Variants in ARMC3 observed in about 807,000 individuals in gnomAD.
ARMC3 encodes the protein armadillo repeat containing 3.
In ARMC3, 74 loss-of-function variants were observed where a neutral mutation model predicts 90.3. The observed-to-expected ratio is 0.82, with a 90% CI of 0.68 to 0.99. ARMC3 has a LOEUF of 0.99. Among genes scored for constraint, ARMC3 ranks in the 50% least tolerant of loss-of-function variants. The probability of loss-of-function intolerance (pLI) is 0.00; values close to 1 mark genes in which losing one functional copy is unlikely to be tolerated. For missense variants in ARMC3, 958 were observed against 1,042.8 expected (o/e 0.92, Z 1.12); for synonymous variants, 334 against 361.8 (o/e 0.92, Z 0.87).
chr10:22,937,076 T>C (rs934743996), intron 2 of ARMC3, among the ~76,000 whole-genome samples: 5 of 152,002 alleles, frequency 3.3e-5, no homozygotes, highest in African/African-American at 1.2e-4. Context: ...CTAATTTTTG[T>C]ATGTTTTGTG....
rs372573334 is a variant in ARMC3 at position 22,978,861 on chromosome 10, AT to A, written c.917-2472del. Among the ~76,000 whole-genome samples the A allele has an allele frequency of 2.6e-3, 349 of 136,734 alleles. 1 individual carries two copies. The highest frequency in any genetic ancestry group is 8.6e-3 in the African/African-American group (316 of 36,704). The allele number at this position is 136,734 out of a possible 152,430, so 89.7% of individuals were successfully genotyped here. ...TTTTACTTTCCATCATCATAAGAAT[AT>A]TTTTTTAGACAAGGTCATGCATTGT... On this transcript the variant is annotated intron_variant, in intron 8 of 18. Transcript: ENST00000298032.
intron 10 of ARMC3, among the ~76,000 whole-genome samples, chr10:22,994,422 G>T (rs918442692): frequency 2.0e-5 from 3 of 152,214 alleles, no homozygotes; most frequent in African/African-American, 7.2e-5. Flanking sequence ...GGTAGGCCAG[G>T]CATGGCGGCT....
intron 10 of ARMC3, among the ~76,000 whole-genome samples, chr10:22,982,499 A>T (rs1310219713): frequency 2.6e-5 from 4 of 152,248 alleles, no homozygotes; most frequent in Non-Finnish European, 5.9e-5. Flanking sequence ...TCATTTTAAA[A>T]ATTATCAAAA....
intron 12 of ARMC3, 45 bp downstream of exon 12, chr10:23,002,100 A>G (rs750162566): frequency 6.2e-7 from 1 of 1,601,496 alleles, no homozygotes. Flanking sequence ...TGAAGAGCAG[A>G]AGACGGAGAG....
In ARMC3 at chr10:22,998,154, TGCTGAA is replaced by T; in HGVS notation, c.1188_1193del (p.Glu396_Ala397del). 6.2e-7 allele frequency: 1 copy of T among 1,613,860 alleles called. No individual in the cohort carries two copies. The highest frequency in any genetic ancestry group is 8.5e-7 in the Non-Finnish European group (1 of 1,179,884). ...TTCTCTTTCATTTACTCAGCGCTGC[TGCTGAA>T]GCTGATGGTATTGATCCATTAATAA... On this transcript the variant is annotated inframe_deletion, in exon 11 of 19. Transcript: ENST00000298032.
intron 6 of ARMC3, chr10:22,961,638 CAATA>C (rs1289782855): frequency 5.3e-6 from 2 of 379,504 alleles, no homozygotes; most frequent in Non-Finnish European, 9.4e-6. Flanking sequence ...GTATAATAAA[CAATA>C]GATAAAAGTC....
At chr10:23,014,796 C>A (rs773694642) in intron 16 of ARMC3, among the ~76,000 whole-genome samples, 1 of 150,008 alleles carries the variant, frequency 6.7e-6, no homozygotes, top group Non-Finnish European at 1.5e-5. Context: ...CACACTGGGG[C>A]CTACTGGAGG....
At chr10:22,982,428 A>G in intron 10 of ARMC3, among the ~76,000 whole-genome samples, 1 of 152,246 alleles carries the variant, frequency 6.6e-6, no homozygotes. Flanking sequence ...AATACTGTGA[A>G]GAAAAGTTAA....
Position 23,030,459 on chromosome 10 carries a change from T to C in ARMC3, c.2046-137T>C, listed in dbSNP as rs1473054083. The C allele has an allele frequency of 3.5e-6, 5 of 1,414,214 alleles. No individual in the cohort carries two copies. In the African/African-American group the frequency reaches 5.8e-5, roughly 16 times the overall value. The allele number at this position is 1,414,214 out of a possible 1,614,324, so 87.6% of individuals were successfully genotyped here. A position where few individuals can be genotyped will look rare whatever the true frequency, so the allele number is the denominator to read the frequency against. The stretch of plus-strand genomic sequence containing the variant: ...GAAAAAAAATCCACATATAAGTGGA[T>C]CCACACAGTTCAATCTCATGTTGCT... On this transcript the variant is annotated intron_variant, in intron 16 of 18. Transcript: ENST00000298032.
At chr10:23,011,533 C>T (rs1838012871) in intron 16 of ARMC3, among the ~76,000 whole-genome samples, 1 of 152,202 alleles carries the variant, frequency 6.6e-6, no homozygotes, top group South Asian at 2.1e-4. Context: ...TCCAACCATA[C>T]AAGGATATAA....
chr10:22,963,835 A>T (rs1267480027), intron 7 of ARMC3, among the ~76,000 whole-genome samples: 2 of 141,368 alleles, frequency 1.4e-5, no homozygotes, highest in Non-Finnish European at 3.0e-5. Context: ...GGTTGCAGTG[A>T]GCTGAGATCG....
intron 16 of ARMC3, among the ~76,000 whole-genome samples, chr10:23,023,416 G>C (rs1292265690): frequency 6.6e-6 from 1 of 152,046 alleles, no homozygotes; most frequent in Non-Finnish European, 1.5e-5. Flanking sequence ...CAATATAATA[G>C]ACAACATAGC....
At chr10:22,959,037 A>T in intron 4 of ARMC3, 33 bp from the exon 5 acceptor site, 1 of 1,503,432 alleles carries the variant, frequency 6.7e-7, no homozygotes, top group Non-Finnish European at 9.3e-7. Context: ...ATTATTATTA[A>T]TAAACATCAA....
At chr10:22,978,459 C>T (rs745935311) in intron 8 of ARMC3, among the ~76,000 whole-genome samples, 2 of 152,192 alleles carry the variant, frequency 1.3e-5, no homozygotes, top group African/African-American at 4.8e-5. Flanking sequence ...ATTATCACCA[C>T]CTGTTCCCTC....
intron 10 of ARMC3, among the ~76,000 whole-genome samples, chr10:22,994,428 C>T (rs1331230350): frequency 6.6e-6 from 1 of 152,112 alleles, no homozygotes; most frequent in African/African-American, 2.4e-5. Context: ...CCAGGCATGG[C>T]GGCTCACTCC....
intron 1 of ARMC3, among the ~76,000 whole-genome samples, 157 bp from the exon 2 acceptor site, chr10:22,931,839 G>A (rs1833944438): frequency 6.6e-6 from 1 of 152,166 alleles, no homozygotes; most frequent in South Asian, 2.1e-4. Context: ...GGATGTAGGT[G>A]ACATATTTGT....
At chr10:22,956,024 T>A in intron 4 of ARMC3, 92 bp downstream of exon 4, 1 of 1,223,838 alleles carries the variant, frequency 8.2e-7, no homozygotes, top group Non-Finnish European at 1.1e-6. Flanking sequence ...GTTTCAATTT[T>A]ATTTAAACTG....
rs1412996562 is a variant in ARMC3 at position 22,982,515 on chromosome 10, T to C, written c.1175+815T>C. ...CATTTTAAAAATTATCAAAATAATC[T>C]GCCAGCAGTTGAGGAAACTGAGACT... is the stretch of plus-strand genomic sequence containing the variant. On this transcript the variant is annotated intron_variant, in intron 10 of 18. Transcript: ENST00000298032. 3.9e-5 allele frequency among the ~76,000 whole-genome samples: 6 copies of C among 152,370 alleles called. No individual in the cohort carries two copies. The East Asian group carries it at 9.6e-4, about 24-fold the overall frequency.
At chr10:23,008,397 G>T in intron 15 of ARMC3, 23 bp downstream of exon 15, 4 of 1,225,564 alleles carry the variant, frequency 3.3e-6, no homozygotes, top group Non-Finnish European at 3.5e-6. Context: ...TGTTTTATCT[G>T]TATGCAAACA....
Sources: allele counts gnomAD v4.1 joint callset (sites outside exome capture counted in the v4.1 genomes callset), GRCh38; gene constraint gnomAD v4.1.1; transcripts MANE v1.5; gene names NCBI Gene and HGNC (gene_info 2026-07-23, HGNC 2026-07-21).